Variants in SOX6 observed in about 807,000 individuals in gnomAD.
SOX6 encodes transcription factor SOX-6.
SOX6 carries 11 observed loss-of-function variants against 97.8 expected under a neutral mutation model. The ratio of observed to expected loss-of-function variants is 0.11; its 90% CI spans 0.07 to 0.19. SOX6 has a LOEUF of 0.19. Among genes scored for constraint, SOX6 ranks in the 10% least tolerant of loss-of-function variants. The pLI is 1.00. For synonymous variants in SOX6, 360 were observed against 371.4 expected (o/e 0.97, Z 0.35); for missense variants, 810 against 1,039.5 (o/e 0.78, Z 3.04).
At chr11:16,401,956 T>G (rs1177597557) in intron 1 of SOX6, among the ~76,000 whole-genome samples, 2 of 151,520 alleles carry the variant, frequency 1.3e-5, no homozygotes, top group Non-Finnish European at 3.0e-5. Context: ...GTACACTTGT[T>G]CCTATATACT....
intron 3 of SOX6, among the ~76,000 whole-genome samples, chr11:16,237,710 T>C (rs935718368): frequency 5.3e-5 from 8 of 152,004 alleles, no homozygotes; most frequent in African/African-American, 1.9e-4. Flanking sequence ...CCCAAGACAC[T>C]CTTGGATTAT....
At chr11:16,735,003 T>A (rs1353105606) in intron 2 of SOX6, among the ~76,000 whole-genome samples, 1 of 152,228 alleles carries the variant, frequency 6.6e-6, no homozygotes, top group Non-Finnish European at 1.5e-5. Context: ...ATTTTAATTA[T>A]AGGCTTAATT....
intron 12 of SOX6, among the ~76,000 whole-genome samples, chr11:16,037,096 T>C (rs1855538886): frequency 6.6e-6 from 1 of 152,200 alleles, no homozygotes; most frequent in Non-Finnish European, 1.5e-5. Context: ...TTAATATTTG[T>C]TTTGATGATA....
At chr11:16,298,897 G>A (rs916121460) in intron 3 of SOX6, among the ~76,000 whole-genome samples, 18 of 152,164 alleles carry the variant, frequency 1.2e-4, no homozygotes, top group Admixed American at 2.0e-4. Context: ...GGAATTAAGA[G>A]TAGTCATGAA....
intron 9 of SOX6, among the ~76,000 whole-genome samples, chr11:16,061,513 T>C (rs1030654357): frequency 6.6e-6 from 1 of 151,676 alleles, no homozygotes; most frequent in Non-Finnish European, 1.5e-5. Flanking sequence ...AAAATACCAA[T>C]GTCATTTTTA....
intron 4 of SOX6, among the ~76,000 whole-genome samples, chr11:16,595,824 T>G (rs1400786919): frequency 3.3e-5 from 5 of 152,010 alleles, no homozygotes; most frequent in Non-Finnish European, 7.4e-5. Flanking sequence ...AATAAATGGA[T>G]TTATCATCCC....
chr11:16,105,953 A>G (rs1335751313), intron 7 of SOX6, among the ~76,000 whole-genome samples: 8 of 152,164 alleles, frequency 5.3e-5, no homozygotes, highest in Admixed American at 6.6e-5. Flanking sequence ...TTCATTTACG[A>G]AAGTATTAAA....
intron 4 of SOX6, chr11:16,606,012 G>T (rs1848329932): frequency 1.3e-5 from 2 of 152,128 alleles, no homozygotes; most frequent in African/African-American, 2.4e-5. Flanking sequence ...TTGGATGAGG[G>T]TTTATTTTAA....
At chr11:16,535,835 A>G (rs984595533) in intron 4 of SOX6, among the ~76,000 whole-genome samples, 2 of 152,242 alleles carry the variant, frequency 1.3e-5, no homozygotes, top group African/African-American at 4.8e-5. Context: ...GAAGTCTATC[A>G]GAAGCTTAAT....
chr11:16,481,214 C>T (rs12146438), upstream of SOX6, among the ~76,000 whole-genome samples: 37,401 of 151,752 alleles, frequency 0.25, 5,012 homozygotes, highest in Middle Eastern at 0.3. Flanking sequence ...TTTTCTTTTT[C>T]CTTAATAATC....
chr11:16,667,538 G>A (rs1295303333), intron 3 of SOX6, among the ~76,000 whole-genome samples: 1 of 138,748 alleles, frequency 7.2e-6, no homozygotes, highest in Non-Finnish European at 1.6e-5. Context: ...TATTTAAAGT[G>A]CTGAAGGAAA....
chr11:16,696,204 A>G (rs1223952709), intron 3 of SOX6, among the ~76,000 whole-genome samples: 1 of 152,212 alleles, frequency 6.6e-6, no homozygotes, highest in Non-Finnish European at 1.5e-5. Flanking sequence ...AACTCTAACC[A>G]CAAATGGTGG....
At chr11:16,701,409 C>A (rs1409096200) in intron 3 of SOX6, among the ~76,000 whole-genome samples, 1 of 152,042 alleles carries the variant, frequency 6.6e-6, no homozygotes, top group Non-Finnish European at 1.5e-5. Context: ...ACTTAATAAG[C>A]AGTAACTATC....
At position 16,109,505 on chromosome 11, in the gene SOX6, A is replaced by G. The variant is rs1275032472; in HGVS notation, c.898+2298T>C. 2.6e-5 allele frequency among the ~76,000 whole-genome samples: 4 copies of G among 151,916 alleles called. 1 individual carries two copies. The highest frequency in any genetic ancestry group is 4.8e-5 in the African/African-American group (2 of 41,370). ...GCATGAGCCACCACACCCAGCCCTC[A>G]CATACATTTCAAGTGAAGTTACCAT... On this transcript the variant is annotated intron_variant, in intron 7 of 15. Coordinates refer to ENST00000683767, the MANE Select transcript of SOX6 (RefSeq NM_001367873.1).
chr11:16,339,621 G>T (rs1856565751), intron 2 of SOX6, among the ~76,000 whole-genome samples: 1 of 151,804 alleles, frequency 6.6e-6, no homozygotes, highest in African/African-American at 2.4e-5. Context: ...ATATATTTGT[G>T]TATATATTTA....
chr11:16,215,209 A>G (rs560830136), intron 4 of SOX6, among the ~76,000 whole-genome samples: 9 of 152,320 alleles, frequency 5.9e-5, no homozygotes, highest in African/African-American at 2.2e-4. Flanking sequence ...GACTCCCTAA[A>G]ATATCTTCAG....
intron 4 of SOX6, among the ~76,000 whole-genome samples, chr11:16,543,383 G>C (rs1325149486): frequency 6.7e-6 from 1 of 150,050 alleles, no homozygotes. Context: ...AATGACATAG[G>C]CCTTTTTATT....
intron 1 of SOX6, among the ~76,000 whole-genome samples, chr11:16,375,105 T>C (rs1007388257): frequency 2.6e-5 from 4 of 151,818 alleles, no homozygotes; most frequent in Non-Finnish European, 5.9e-5. Flanking sequence ...TATAAAAAAA[T>C]AGGTATAAAT....
chr11:15,971,750 A>C lies in SOX6; in HGVS notation c.*1059T>G, dbSNP rs1399766249. 1 of 152,632 alleles carries C rather than the reference A, an allele frequency of 6.6e-6. No individual in the cohort carries two copies. The highest frequency in any genetic ancestry group is 2.4e-5 in the African/African-American group (1 of 41,448). The allele number at this position is 152,632 out of a possible 1,614,324, so 9.5% of individuals were successfully genotyped here. A position where few individuals can be genotyped will look rare whatever the true frequency, so the allele number is the denominator to read the frequency against. ...ATGTACACAGGAGAAGGAGGTGAAAAGGACGGAAAAGTTCTTCGGGGAAGG... is the reference window on the plus strand; with the variant it reads ...ATGTACACAGGAGAAGGAGGTGAAACGGACGGAAAAGTTCTTCGGGGAAGG... On this transcript the variant is annotated 3_prime_UTR_variant, in exon 16 of 16. Transcript: ENST00000683767.
Sources: gnomAD v4.1 joint callset for allele counts (sites outside exome capture counted in the v4.1 genomes callset) on GRCh38, gnomAD v4.1.1 for gene constraint, MANE v1.5 for transcripts, NCBI Gene and HGNC (gene_info 2026-07-23, HGNC 2026-07-21) for gene names.